TANC2: variants seen among roughly 807,000 people sequenced by gnomAD.
The protein encoded by TANC2 is tetratricopeptide repeat, ankyrin repeat and coiled-coil containing 2, also known as protein TANC2.
In TANC2, 26 loss-of-function variants were observed where a neutral mutation model predicts 210.5. The observed-to-expected ratio is 0.12, with a 90% CI of 0.09 to 0.17. TANC2 has a LOEUF of 0.17. TANC2 is among the 10% of genes least tolerant of loss of function. The pLI, the probability that TANC2 is intolerant of heterozygous loss-of-function variation, is 1.00. For synonymous variants in TANC2, 931 were observed against 967.1 expected (o/e 0.96, Z 0.69); for missense variants, 2,129 against 2,608.9 (o/e 0.82, Z 4.01).
At chr17:63,315,706 C>G (rs991974285) in intron 10 of TANC2, among the ~76,000 whole-genome samples, 3 of 152,164 alleles carry the variant, frequency 2.0e-5, no homozygotes, top group African/African-American at 7.2e-5. Flanking sequence ...GGGTCTAGCA[C>G]AGTGCTGGAA....
intron 2 of TANC2, among the ~76,000 whole-genome samples, chr17:63,028,458 T>C (rs1052187528): frequency 5.3e-5 from 8 of 152,106 alleles, no homozygotes; most frequent in Non-Finnish European, 8.8e-5. Flanking sequence ...AGTAGTAAAT[T>C]GTAAAAACAT....
chr17:63,169,937 G>A (rs930808802), intron 5 of TANC2, among the ~76,000 whole-genome samples: 7 of 142,662 alleles, frequency 4.9e-5, no homozygotes, highest in Non-Finnish European at 9.1e-5. Flanking sequence ...CAAGACCACA[G>A]TGAAATCCTG....
rs538448369 is a variant in TANC2 at position 63,228,303 on chromosome 17, A to G, written c.770-9511A>G. Among the ~76,000 whole-genome samples the G allele has an allele frequency of 1.0e-3, 153 of 152,254 alleles. No homozygotes were observed. In the Middle Eastern group the frequency reaches 0.017, roughly 17 times the overall value. On this transcript the variant is annotated intron_variant, in intron 7 of 27. Coordinates refer to ENST00000689528, the Ensembl canonical transcript of TANC2. ...CCATGGTCTATGTGTCTGTTTTTGT[A>G]CTAGTACCATGCTGTTTTGGTTACT... is the stretch of plus-strand genomic sequence containing the variant.
At chr17:63,262,798 G>GAA (rs939681650) in intron 8 of TANC2, among the ~76,000 whole-genome samples, 6 of 152,094 alleles carry the variant, frequency 3.9e-5, no homozygotes, top group African/African-American at 1.4e-4. Context: ...AAGAAAGAAA[G>GAA]AATTCATGGA....
rs2042062889 is a variant in TANC2, at chr17:63,217,822, T to C, written c.769+16865T>C. 3.9e-5 allele frequency among the ~76,000 whole-genome samples: 6 copies of C among 152,272 alleles called. No individual in the cohort carries two copies. In the South Asian group the frequency reaches 1.0e-3, roughly 26 times the overall value. On this transcript the variant is annotated intron_variant, in intron 7 of 27. Coordinates refer to ENST00000689528, the Ensembl canonical transcript of TANC2. ...CATGAATGCAGAGTTCTTAACAAAATTCTAACAAACTGAATCTAATAATAT... is the reference window on the plus strand; with the variant it reads ...CATGAATGCAGAGTTCTTAACAAAACTCTAACAAACTGAATCTAATAATAT...
chr17:63,000,083 A>G (rs964269125), intron 1 of TANC2, among the ~76,000 whole-genome samples: 2 of 152,148 alleles, frequency 1.3e-5, no homozygotes, highest in African/African-American at 4.8e-5. Flanking sequence ...CTACTTGAGG[A>G]TGGAGGGGTG....
At chr17:63,241,588 G>A (rs1287364879) in intron 8 of TANC2, among the ~76,000 whole-genome samples, 1 of 152,150 alleles carries the variant, frequency 6.6e-6, no homozygotes, top group Non-Finnish European at 1.5e-5. Context: ...GAGATCATAA[G>A]CTATACAGTT....
chr17:62,993,565 T>A (rs1203524322), intron 1 of TANC2, among the ~76,000 whole-genome samples: 1 of 152,234 alleles, frequency 6.6e-6, no homozygotes, highest in Non-Finnish European at 1.5e-5. Flanking sequence ...TTTATTCTTT[T>A]TGATGTTATT....
intron 5 of TANC2, chr17:63,182,278 T>TA: frequency 5.1e-6 from 1 of 194,722 alleles, no homozygotes; most frequent in Non-Finnish European, 1.1e-5. Context: ...GGCATCCAGA[T>TA]AAAAATCCTG....
At chr17:63,424,453 A>G (rs1427831499) in exon 28 of TANC2, 2 of 152,130 alleles carry the variant, frequency 1.3e-5, no homozygotes, top group African/African-American at 4.8e-5. Flanking sequence ...TTGCTACTTC[A>G]CTGCCATGGA....
chr17:63,355,399 T>A lies in TANC2; in HGVS notation c.2582+9T>A. 1 of 1,549,636 alleles carries A rather than the reference T, an allele frequency of 6.5e-7. No individual in the cohort carries two copies. The highest frequency in any genetic ancestry group is 8.7e-7 in the Non-Finnish European group (1 of 1,155,550). Reference sequence around the variant, plus strand: ...TTTCTCTGTGATCCGAGGTAAGACATATATCTGTGATAAACAATTCTGAGT... The same window carrying A: ...TTTCTCTGTGATCCGAGGTAAGACAAATATCTGTGATAAACAATTCTGAGT... On this transcript the variant is annotated intron_variant, in intron 14 of 27. Coordinates refer to ENST00000689528, the Ensembl canonical transcript of TANC2.
intron 9 of TANC2, among the ~76,000 whole-genome samples, chr17:63,304,116 C>A (rs574506627): frequency 6.6e-6 from 1 of 152,102 alleles, no homozygotes; most frequent in African/African-American, 2.4e-5. Flanking sequence ...TCATCCAGTT[C>A]TGCGCCCTTG....
intron 3 of TANC2, among the ~76,000 whole-genome samples, chr17:63,085,518 A>G (rs911310846): frequency 2.6e-5 from 4 of 152,118 alleles, no homozygotes; most frequent in Non-Finnish European, 2.9e-5. Context: ...TTTGCAATAT[A>G]TATTTACATA....
At chr17:63,329,779 C>T (rs1420972933) in intron 11 of TANC2, among the ~76,000 whole-genome samples, 2 of 152,160 alleles carry the variant, frequency 1.3e-5, no homozygotes, top group Admixed American at 6.6e-5. Flanking sequence ...CTCCTTGGGC[C>T]TCCCTATTCT....
At chr17:63,111,649 T>C (rs1376327708) in intron 4 of TANC2, among the ~76,000 whole-genome samples, 1 of 152,214 alleles carries the variant, frequency 6.6e-6, no homozygotes. Flanking sequence ...CAATCTGTCT[T>C]TATCAAAAAA....
At chr17:63,118,510 G>T (rs1436502519) in intron 4 of TANC2, among the ~76,000 whole-genome samples, 1 of 152,062 alleles carries the variant, frequency 6.6e-6, no homozygotes, top group African/African-American at 2.4e-5. Flanking sequence ...TAGGAACTTG[G>T]TTTTTCAAAA....
At chr17:63,179,700 C>T (rs1057495126) in intron 5 of TANC2, among the ~76,000 whole-genome samples, 5 of 152,000 alleles carry the variant, frequency 3.3e-5, no homozygotes, top group African/African-American at 1.2e-4. Flanking sequence ...TGCTCTTTTT[C>T]CCTGACTCTA....
intron 1 of TANC2, among the ~76,000 whole-genome samples, chr17:62,988,936 A>G (rs1164724017): frequency 6.6e-6 from 1 of 152,228 alleles, no homozygotes; most frequent in Non-Finnish European, 1.5e-5. Context: ...AAGATTTTGT[A>G]TAAAGTTCCC....
intron 14 of TANC2, among the ~76,000 whole-genome samples, chr17:63,358,378 T>A (rs1272187372): frequency 1.8e-4 from 23 of 125,148 alleles, no homozygotes; most frequent in African/African-American, 6.5e-4. Flanking sequence ...AGAGAGAGAG[T>A]ATGTGTGTGT....
Sources: allele counts gnomAD v4.1 joint callset (sites outside exome capture counted in the v4.1 genomes callset), GRCh38; gene constraint gnomAD v4.1.1; transcripts MANE v1.5; gene names NCBI Gene and HGNC (gene_info 2026-07-23, HGNC 2026-07-21).